The following VGLL4 variants were observed in gnomAD, a reference collection of about 807,000 sequenced individuals.
VGLL4 encodes transcription cofactor vestigial-like protein 4.
VGLL4 carries 7 observed loss-of-function variants against 21.0 expected under a neutral mutation model. The observed-to-expected ratio is 0.33, with a 90% CI of 0.19 to 0.63. VGLL4 has a LOEUF of 0.63. VGLL4 is among the 20% of genes least tolerant of loss of function. The probability of loss-of-function intolerance (pLI) is 0.78; values close to 1 mark genes in which losing one functional copy is unlikely to be tolerated. For synonymous variants in VGLL4, 222 were observed against 173.2 expected, an observed-to-expected ratio of 1.28 and a Z score of -2.21; for missense variants, 394 against 425.7, an observed-to-expected ratio of 0.93 and a Z score of 0.66.
At chr3:11,612,257 G>C (rs376329735) in intron 1 of VGLL4, 1 of 152,102 alleles carries the variant, frequency 6.6e-6, no homozygotes, top group South Asian at 2.1e-4. Context: ...TATCTTCAGG[G>C]CTAATAGAAG....
intron 1 of VGLL4, chr3:11,633,190 T>G (rs561294295): frequency 6.6e-6 from 1 of 152,296 alleles, no homozygotes; most frequent in East Asian, 1.9e-4. Flanking sequence ...CAAAAGACAC[T>G]GGAGTCATTC....
intron 2 of VGLL4, among the ~76,000 whole-genome samples, chr3:11,658,686 G>A (rs1400011310): frequency 6.7e-6 from 1 of 149,450 alleles, no homozygotes; most frequent in Non-Finnish European, 1.5e-5. Flanking sequence ...CTTCATGAGT[G>A]AGAAAATCCA....
intron 1 of VGLL4, chr3:11,627,308 T>G (rs1292978207): frequency 2.0e-5 from 3 of 151,956 alleles, no homozygotes; most frequent in Non-Finnish European, 4.4e-5. Flanking sequence ...CCAGGCGCAG[T>G]GGCTCACATC....
intron 2 of VGLL4, among the ~76,000 whole-genome samples, chr3:11,659,122 T>A (rs1210991074): frequency 2.0e-5 from 3 of 151,940 alleles, no homozygotes; most frequent in Non-Finnish European, 2.9e-5. Context: ...TCAAACAACA[T>A]GAATAGAGTG....
chr3:11,629,782 G>C (rs1234033034), intron 1 of VGLL4, among the ~76,000 whole-genome samples: 1 of 151,120 alleles, frequency 6.6e-6, no homozygotes, highest in Non-Finnish European at 1.5e-5. Context: ...CCACGTAGCT[G>C]GAAAGGAGTA....
chr3:11,700,030 AT>A (rs1369783082), intron 2 of VGLL4, among the ~76,000 whole-genome samples: 2 of 152,154 alleles, frequency 1.3e-5, no homozygotes, highest in African/African-American at 4.8e-5. Flanking sequence ...TTGCATCTAC[AT>A]TACCAGCTGT....
At chr3:11,677,733 A>G (rs1032498789) in intron 2 of VGLL4, among the ~76,000 whole-genome samples, 8 of 151,860 alleles carry the variant, frequency 5.3e-5, no homozygotes, top group Non-Finnish European at 1.0e-4. Context: ...GGTAAAACCT[A>G]GTCTCTACTA....
At chr3:11,632,868 T>C (rs191295118) in intron 1 of VGLL4, among the ~76,000 whole-genome samples, 47 of 152,332 alleles carry the variant, frequency 3.1e-4, no homozygotes, top group Admixed American at 4.6e-4. Flanking sequence ...TCCTGGCACA[T>C]AATGGGTATT....
At chr3:11,563,615 T>TG (rs1247007612) in intron 3 of VGLL4, among the ~76,000 whole-genome samples, 6 of 152,170 alleles carry the variant, frequency 3.9e-5, no homozygotes, top group African/African-American at 1.4e-4. Flanking sequence ...AACGTTGAAA[T>TG]GAACAGCAGT....
chr3:11,620,940 T>C (rs1432025655), intron 1 of VGLL4, among the ~76,000 whole-genome samples: 3 of 152,290 alleles, frequency 2.0e-5, no homozygotes, highest in African/African-American at 7.2e-5. Flanking sequence ...GGGCCCTGGG[T>C]GGGGTGTCCA....
intron 2 of VGLL4, among the ~76,000 whole-genome samples, chr3:11,566,422 CG>C (rs963717916): frequency 6.6e-6 from 1 of 152,192 alleles, no homozygotes; most frequent in Non-Finnish European, 1.5e-5. Context: ...ATTCAGATTT[CG>C]TGTTTTGCTT....
At chr3:11,648,465 G>T (rs79216199), upstream of VGLL4, among the ~76,000 whole-genome samples, 4,051 of 152,302 alleles carry the variant, frequency 0.027, 162 homozygotes, top group African/African-American at 0.09. Context: ...ACTATCTGAT[G>T]TGGAATAGGA....
At chr3:11,587,856 C>T (rs1399055548) in intron 2 of VGLL4, among the ~76,000 whole-genome samples, 2 of 151,128 alleles carry the variant, frequency 1.3e-5, no homozygotes, top group Non-Finnish European at 1.5e-5. Context: ...ACCTGGGGGG[C>T]TTCTTACTGA....
intron 2 of VGLL4, among the ~76,000 whole-genome samples, chr3:11,677,013 T>A (rs891241915): frequency 2.0e-5 from 3 of 152,174 alleles, no homozygotes; most frequent in Non-Finnish European, 4.4e-5. Flanking sequence ...ACTGTTACAC[T>A]TTTTTTACTG....
At position 11,558,454 on chromosome 3, in the gene VGLL4, T is replaced by TCC; in HGVS notation, c.*100_*101dup. 9.4e-7 allele frequency: 1 copy of TCC among 1,064,154 alleles called. No homozygotes were observed. 65.9% of individuals were successfully genotyped at this position (1,064,154 alleles called of 1,614,324 possible). ...TTTGCAAATAAACCATCCCTTCCCT[T>TCC]CCCCCCACCCCACCCCCATGATTTT... On this transcript the variant is annotated 3_prime_UTR_variant, in exon 5 of 5. Transcript: ENST00000430365.
chr3:11,701,251 G>A (rs1258828646), intron 2 of VGLL4, among the ~76,000 whole-genome samples: 1 of 152,128 alleles, frequency 6.6e-6, no homozygotes, highest in African/African-American at 2.4e-5. Context: ...GTTTAACAGA[G>A]CCTGGCACCT....
upstream of VGLL4, chr3:11,721,238 C>T (rs892265889): frequency 7.9e-5 from 12 of 152,216 alleles, no homozygotes; most frequent in African/African-American, 2.7e-4. Flanking sequence ...ACTGTTTTCC[C>T]ATCTGTTGCC....
intron 1 of VGLL4, among the ~76,000 whole-genome samples, chr3:11,605,706 G>A (rs1365396539): frequency 6.6e-6 from 1 of 152,114 alleles, no homozygotes; most frequent in Non-Finnish European, 1.5e-5. Flanking sequence ...GGAAGCAGGT[G>A]GCATTTAATT....
chr3:11,660,550 C>T (rs2076023271), intron 2 of VGLL4, among the ~76,000 whole-genome samples: 1 of 152,138 alleles, frequency 6.6e-6, no homozygotes, highest in Non-Finnish European at 1.5e-5. Context: ...AAAATCCTTT[C>T]CTTTGTTCTA....
Sources: gnomAD v4.1 joint callset for allele counts (sites outside exome capture counted in the v4.1 genomes callset) on GRCh38, gnomAD v4.1.1 for gene constraint, MANE v1.5 for transcripts, NCBI Gene and HGNC (gene_info 2026-07-23, HGNC 2026-07-21) for gene names.